Variants in JAG2 observed in about 807,000 individuals in gnomAD.
JAG2 encodes the protein protein jagged-2.
A neutral mutation model predicts 141.7 loss-of-function variants in JAG2; 46 were observed. That is an observed-to-expected ratio of 0.32 (90% CI 0.26 to 0.42). JAG2 has a LOEUF of 0.42. JAG2 is among the 10% of genes least tolerant of loss of function. The pLI, the probability that JAG2 is intolerant of heterozygous loss-of-function variation, is 1.00. For missense variants in JAG2, 1,500 were observed against 1,817.5 expected, an observed-to-expected ratio of 0.83 and a Z score of 3.18; for synonymous variants, 862 against 763.5, an observed-to-expected ratio of 1.13 and a Z score of -2.13.
chr14:105,153,307 G>A (rs1036196317), intron 5 of JAG2, among the ~76,000 whole-genome samples: 2 of 152,234 alleles, frequency 1.3e-5, no homozygotes, highest in African/African-American at 4.8e-5. Context: ...CGGGAAGAAC[G>A]TGTCTCCAGT....
rs1255925707 is a variant in JAG2 at position 105,151,121 on chromosome 14, G to A, written c.1268-17C>T. ...CATTGGCGTCTGTGAAAGAGACAAG[G>A]TGGGAGCCGTGGGGCTCGGGCCCTG... On this transcript the variant is annotated splice_polypyrimidine_tract_variant and intron_variant, in intron 9 of 25. Coordinates refer to ENST00000331782, the MANE Select transcript of JAG2 (RefSeq NM_002226.5). 2 of 1,597,146 alleles carry A rather than the reference G, an allele frequency of 1.3e-6. No homozygotes were observed. Among genetic ancestry groups the A allele is most frequent in the African/African-American group, 1.3e-5 (1 of 74,608 alleles).
At position 105,141,876 on chromosome 14, in the gene JAG2, C is replaced by T. The variant is rs988476361; in HGVS notation, c.*819G>A. 1 of 152,610 alleles carries T rather than the reference C, an allele frequency of 6.6e-6. No homozygotes were observed. Among genetic ancestry groups the T allele is most frequent in the Non-Finnish European group, 1.5e-5 (1 of 68,066 alleles). The allele number at this position is 152,610 out of a possible 1,614,324, so 9.5% of individuals were successfully genotyped here. ...GTGCCACGGCACGCGTGGACAGTTG[C>T]GAGGGGTCTGTGTGAAGGCACTTGT... On this transcript the variant is annotated 3_prime_UTR_variant, in exon 26 of 26. Transcript: ENST00000331782.
chr14:105,148,792 A>G lies in JAG2; in HGVS notation c.1973T>C (p.Phe658Ser). The G allele has an allele frequency of 6.3e-7, 1 of 1,596,174 alleles. No homozygotes were observed. ...CCAGCCGCTGGGGCAGAAGCAGCGG[A>G]AGGCGTCCACCTCATCGATGCATGT... is the stretch of plus-strand genomic sequence containing the variant. Reference protein sequence around the residue: ...GGTCIDEVDAFRCFCPSGWEG... With the variant: ...GGTCIDEVDASRCFCPSGWEG... Residue 658 changes from phenylalanine to serine, a missense_variant, in exon 15 of 26, where the codon TTC (phenylalanine) becomes TCC (serine). Coordinates refer to ENST00000331782, the MANE Select transcript of JAG2 (RefSeq NM_002226.5).
chr14:105,157,161 C>T (rs2072675), intron 3 of JAG2, among the ~76,000 whole-genome samples: 100,239 of 152,072 alleles, frequency 0.66, 33,459 homozygotes, highest in Middle Eastern at 0.75. Context: ...GCTTGCCAGG[C>T]GGAGCCCGTG....
rs1305445345 is a variant in JAG2 at position 105,161,146 on chromosome 14, CTGTTGGGGGTCTGAGTGAGGTCTGT to C, written c.418-3408_418-3384del. Among the ~76,000 whole-genome samples the C allele has an allele frequency of 4.3e-3, 495 of 115,516 alleles. 8 individuals carry two copies. Among genetic ancestry groups the C allele is most frequent in the Middle Eastern group, 0.01 (2 of 200 alleles). 75.8% of individuals were successfully genotyped at this position (115,516 alleles called of 152,430 possible). On this transcript the variant is annotated intron_variant, in intron 2 of 25. Coordinates refer to ENST00000331782, the MANE Select transcript of JAG2 (RefSeq NM_002226.5). ...GGTCTGTTGGGGGTCTGAGTGAGGTCTGTTGGGGGTCTGAGTGAGGTCTGTTGTTGGGGGTCTGAGTGAGGTCTGT... is the reference window on the plus strand; with the variant it reads ...GGTCTGTTGGGGGTCTGAGTGAGGTCTGTTGGGGGTCTGAGTGAGGTCTGT...
At chr14:105,144,834 G>C in intron 24 of JAG2, 96 bp downstream of exon 24, 2 of 1,490,654 alleles carry the variant, frequency 1.3e-6, no homozygotes, top group Non-Finnish European at 1.8e-6. Context: ...TCCGCACCAG[G>C]ACTAGCCTCG....
intron 16 of JAG2, 41 bp from the exon 17 acceptor site, chr14:105,148,270 G>T: frequency 6.3e-7 from 1 of 1,575,106 alleles, no homozygotes; most frequent in Non-Finnish European, 8.6e-7. Flanking sequence ...GCCCCAGACC[G>T]CCAGGGCCAG....
Position 105,145,866 on chromosome 14 carries a change from C to G in JAG2, c.2817G>C (p.Leu939=). The G allele has an allele frequency of 2.6e-6, 4 of 1,560,376 alleles. No individual in the cohort carries two copies. The highest frequency in any genetic ancestry group is 3.5e-6 in the Non-Finnish European group (4 of 1,152,946). ...CCCCCCAGGCCTCACAGGGTGGTCG[C>G]AGACACTGGCCTGGGGCCTTCTCCA... is the stretch of plus-strand genomic sequence containing the variant. The part of the protein sequence containing the change: ...RCLEKAPGQC[L]RPPCEAWGEC... Residue 939 remains leucine (L), a synonymous_variant, in exon 23 of 26, where the codon CTG becomes CTC. Transcript: ENST00000331782.
chr14:105,143,386 T>C (rs1888122781), intron 25 of JAG2, 96 bp downstream of exon 25: 2 of 1,449,066 alleles, frequency 1.4e-6, no homozygotes, highest in African/African-American at 2.8e-5. Flanking sequence ...TCTGTGTTCC[T>C]GGTGGCTGGC....
At chr14:105,166,163 C>T (rs768744744) in intron 2 of JAG2, among the ~76,000 whole-genome samples, 6 of 152,356 alleles carry the variant, frequency 3.9e-5, no homozygotes, top group East Asian at 1.9e-4. Context: ...ACCCAGTGCC[C>T]GGACTCCAAG....
At chr14:105,147,708 C>G (rs907884718) in intron 18 of JAG2, 64 bp downstream of exon 18, 2 of 1,245,944 alleles carry the variant, frequency 1.6e-6, no homozygotes, top group African/African-American at 1.5e-5. Context: ...GGGGGCGAGT[C>G]GGGGGCAGGG....
Position 105,146,391 on chromosome 14 carries a change from G to A in JAG2, c.2703C>T (p.Cys901=). ...GCTCACGGGCTGCCCTCACCTTGCTGCAGTCACGGCGGCCATCCAGGCAGC... is the reference window on the plus strand; with the variant it reads ...GCTCACGGGCTGCCCTCACCTTGCTACAGTCACGGCGGCCATCCAGGCAGC... ...SCRCLDGRRD[C]SKVWCGWKPC... Residue 901 remains cysteine (C), a synonymous_variant, in exon 22 of 26, where the codon TGC becomes TGT. Coordinates refer to ENST00000331782, the MANE Select transcript of JAG2 (RefSeq NM_002226.5). The A allele has an allele frequency of 2.5e-6, 4 of 1,612,318 alleles. No individual in the cohort carries two copies. In the South Asian group the frequency reaches 4.4e-5, roughly 18 times the overall value.
chr14:105,147,447 G>A lies in JAG2; in HGVS notation c.2394-36C>T, dbSNP rs375640556. On this transcript the variant is annotated intron_variant, in intron 19 of 25. Transcript: ENST00000331782. ...GAGGGTGGGCATCAGGTGGCCCCCC[G>A]TGGTATGCCAAGTCCCACCCACCCC... 277 of 1,608,094 alleles carry A rather than the reference G, an allele frequency of 1.7e-4. 1 individual carries two copies. The highest frequency in any genetic ancestry group is 2.2e-4 in the Non-Finnish European group (258 of 1,175,924).
At chr14:105,147,084 C>G in intron 20 of JAG2, 1 of 611,940 alleles carries the variant, frequency 1.6e-6, no homozygotes, top group East Asian at 2.8e-5. Flanking sequence ...CTCCAACCCC[C>G]ACAGCTCCCT....
At chr14:105,164,120 T>A in intron 2 of JAG2, among the ~76,000 whole-genome samples, 1 of 90,274 alleles carries the variant, frequency 1.1e-5, no homozygotes, top group African/African-American at 4.4e-5. Flanking sequence ...CCTCCCAGCC[T>A]TCCTATCGTG....
chr14:105,155,422 G>A (rs1414059272), intron 5 of JAG2, 140 bp downstream of exon 5: 5 of 928,626 alleles, frequency 5.4e-6, no homozygotes, highest in South Asian at 1.3e-5. Context: ...GGAGCCTCCC[G>A]AGCTCAGGGC....
Position 105,151,371 on chromosome 14 carries a change from C to G in JAG2, c.1179G>C (p.Pro393=), listed in dbSNP as rs147768578. ...ALDIDECASN[P]CAAGGTCVDQ... Reference sequence around the variant, plus strand: ...CCACACAGGTGCCACCGGCCGCACACGGGTTCGAAGCACACTCATCGATGT... The same window carrying G: ...CCACACAGGTGCCACCGGCCGCACAGGGGTTCGAAGCACACTCATCGATGT... Residue 393 remains proline, a synonymous_variant, in exon 9 of 26, where the codon CCG becomes CCC. Coordinates refer to ENST00000331782, the MANE Select transcript of JAG2 (RefSeq NM_002226.5). The G allele has an allele frequency of 5.0e-6, 8 of 1,611,732 alleles. No individual in the cohort carries two copies. The South Asian group carries it at 6.6e-5, about 13-fold the overall frequency.
rs144430746 is a variant in JAG2 at position 105,144,065 on chromosome 14, G to A, written c.3085-427C>T. Among the ~76,000 whole-genome samples, 414 of 150,080 alleles carry A rather than the reference G, an allele frequency of 2.8e-3. 2 individuals are homozygous for A. The highest frequency in any genetic ancestry group is 9.6e-3 in the African/African-American group (390 of 40,680). On this transcript the variant is annotated intron_variant, in intron 24 of 25. Coordinates refer to ENST00000331782, the MANE Select transcript of JAG2 (RefSeq NM_002226.5). ...CACACAGGAGAGCCCGGGGTCCTGC[G>A]GTGGGGACCTCGCCACCAGGCAGTG...
At chr14:105,157,594 CAT>C (rs1888618293) in intron 3 of JAG2, 110 bp downstream of exon 3, 1 of 1,062,046 alleles carries the variant, frequency 9.4e-7, no homozygotes, top group Non-Finnish European at 1.4e-6. Flanking sequence ...AAACAGCACA[CAT>C]GATCCTCAGG....
Sources: gnomAD v4.1 joint callset for allele counts (sites outside exome capture counted in the v4.1 genomes callset) on GRCh38, gnomAD v4.1.1 for gene constraint, MANE v1.5 for transcripts, NCBI Gene and HGNC (gene_info 2026-07-23, HGNC 2026-07-21) for gene names.